Variants in RORB observed in about 807,000 individuals in gnomAD.
The protein encoded by RORB is RAR related orphan receptor B, also known as nuclear receptor ROR-beta.
In RORB, 6 loss-of-function variants were observed where a neutral mutation model predicts 59.1. The observed-to-expected ratio is 0.10, with a 90% CI of 0.06 to 0.20. The LOEUF is 0.20. Ranked by LOEUF, RORB falls within the 10% of genes least tolerant of loss-of-function variation. The pLI, the probability that RORB is intolerant of heterozygous loss-of-function variation, is 1.00. For synonymous variants in RORB, 215 were observed against 204.5 expected, an observed-to-expected ratio of 1.05 and a Z score of -0.44; for missense variants, 320 against 560.5, an observed-to-expected ratio of 0.57 and a Z score of 4.33.
intron 9 of RORB, among the ~76,000 whole-genome samples, chr9:74,677,422 G>T (rs1412199393): frequency 1.3e-5 from 2 of 152,106 alleles, no homozygotes; most frequent in Non-Finnish European, 2.9e-5. Context: ...TTCTTTTTAT[G>T]ATTATATGTT....
intron 1 of RORB, among the ~76,000 whole-genome samples, chr9:74,573,460 T>C (rs1431075548): frequency 8.0e-5 from 6 of 74,590 alleles, no homozygotes; most frequent in Non-Finnish European, 6.1e-5. Context: ...TGAGCTTTTG[T>C]TATTAAAAAA....
intron 9 of RORB, among the ~76,000 whole-genome samples, chr9:74,676,736 C>A (rs1825751723): frequency 1.3e-5 from 2 of 152,322 alleles, no homozygotes; most frequent in East Asian, 3.9e-4. Context: ...TCTGGCTGGC[C>A]AGAAAGTTAT....
chr9:74,618,781 G>A (rs959975912), intron 1 of RORB, among the ~76,000 whole-genome samples: 5 of 151,814 alleles, frequency 3.3e-5, no homozygotes, highest in Admixed American at 2.6e-4. Context: ...ATTGTGGGGG[G>A]TGGAAGGCCA....
In RORB at chr9:74,690,237, C is replaced by CA. The variant is rs901142238; in HGVS notation, c.*4627dup. The CA allele has an allele frequency of 7.3e-5, 11 of 151,296 alleles. No homozygotes were observed. The highest frequency in any genetic ancestry group is 9.7e-5 in the African/African-American group (4 of 41,226). The allele number at this position is 151,296 out of a possible 1,614,324, so 9.4% of individuals were successfully genotyped here. On this transcript the variant is annotated 3_prime_UTR_variant, in exon 10 of 10. Coordinates refer to ENST00000376896, the MANE Select transcript of RORB (RefSeq NM_006914.4). ...ATGTGGGAAACTATGGGGGGTCTTT[C>CA]AAAAAAAAGCTGACACTCTATTCAT...
At chr9:74,621,614 T>C (rs1235678427) in intron 1 of RORB, among the ~76,000 whole-genome samples, 1 of 152,202 alleles carries the variant, frequency 6.6e-6, no homozygotes, top group East Asian at 1.9e-4. Flanking sequence ...AGGCACACAA[T>C]TGTTAGGTGG....
At chr9:74,602,592 C>A (rs1823083120) in intron 1 of RORB, among the ~76,000 whole-genome samples, 1 of 152,136 alleles carries the variant, frequency 6.6e-6, no homozygotes, top group Non-Finnish European at 1.5e-5. Flanking sequence ...CTGTTATGAC[C>A]CTAAGCTATT....
In RORB at chr9:74,547,988, G is replaced by A. The variant is rs79904978; in HGVS notation, c.7+50005G>A. ...AATTAGAGTGACTTAGACCAGAAAT[G>A]TAGCTCTGAAAATGGTTTAAATTGT... On this transcript the variant is annotated intron_variant, in intron 1 of 9. Transcript: ENST00000376896. Among the ~76,000 whole-genome samples, 487 of 152,306 alleles carry A rather than the reference G, an allele frequency of 3.2e-3. 3 individuals are homozygous for A. Among genetic ancestry groups the A allele is most frequent in the Middle Eastern group, 0.01 (3 of 294 alleles).
chr9:74,525,773 G>A (rs942351879), intron 1 of RORB, among the ~76,000 whole-genome samples: 5 of 151,816 alleles, frequency 3.3e-5, no homozygotes, highest in African/African-American at 9.7e-5. Flanking sequence ...ACAGAACCTC[G>A]ATGAAATTCA....
chr9:74,653,024 C>A (rs1453325040), intron 4 of RORB, among the ~76,000 whole-genome samples: 3 of 152,110 alleles, frequency 2.0e-5, no homozygotes, highest in African/African-American at 7.2e-5. Context: ...TCAGAAAGGT[C>A]TTTAAATGAC....
intron 1 of RORB, among the ~76,000 whole-genome samples, chr9:74,589,638 T>G (rs1822855942): frequency 1.3e-5 from 2 of 152,212 alleles, no homozygotes; most frequent in Admixed American, 1.3e-4. Context: ...CTTAGATGCT[T>G]CATTTCCACA....
chr9:74,544,476 A>G lies in RORB; in HGVS notation c.7+46493A>G, dbSNP rs557931340. On this transcript the variant is annotated intron_variant, in intron 1 of 9. Coordinates refer to ENST00000376896, the MANE Select transcript of RORB (RefSeq NM_006914.4). The stretch of plus-strand genomic sequence containing the variant: ...ACAGTGGGGCTAAGTTAATAAATAA[A>G]TGTGCTCTGAGGCTGCAGGCCTGAT... Among the ~76,000 whole-genome samples the G allele has an allele frequency of 4.6e-5, 7 of 152,312 alleles. No individual in the cohort carries two copies. In the East Asian group the frequency reaches 1.3e-3, roughly 29 times the overall value.
chr9:74,530,383 T>C (rs1587344169), intron 1 of RORB, among the ~76,000 whole-genome samples: 1 of 152,028 alleles, frequency 6.6e-6, no homozygotes, highest in African/African-American at 2.4e-5. Flanking sequence ...GGTCATGTTA[T>C]GGATGCTGCT....
At chr9:74,561,983 A>T (rs1259306900) in intron 1 of RORB, among the ~76,000 whole-genome samples, 1 of 152,140 alleles carries the variant, frequency 6.6e-6, no homozygotes, top group Non-Finnish European at 1.5e-5. Flanking sequence ...TCATGAGTAG[A>T]TTGTTTATCT....
chr9:74,600,261 T>C (rs1238546619), intron 1 of RORB, among the ~76,000 whole-genome samples: 1 of 152,228 alleles, frequency 6.6e-6, no homozygotes, highest in Non-Finnish European at 1.5e-5. Context: ...AATTCCTGGG[T>C]GAAGGCAATG....
At chr9:74,541,324 C>G (rs1467494504) in intron 1 of RORB, among the ~76,000 whole-genome samples, 1 of 123,700 alleles carries the variant, frequency 8.1e-6, no homozygotes, top group Admixed American at 8.5e-5. Flanking sequence ...CTTTTGAGAA[C>G]CAACCAACCA....
chr9:74,518,746 T>C (rs1011923638), intron 1 of RORB, among the ~76,000 whole-genome samples: 4 of 152,024 alleles, frequency 2.6e-5, no homozygotes, highest in African/African-American at 9.7e-5. Flanking sequence ...TTTTATAGAC[T>C]AGGTAACCTG....
intron 3 of RORB, among the ~76,000 whole-genome samples, chr9:74,639,128 T>C (rs1383265128): frequency 2.0e-5 from 3 of 152,358 alleles, no homozygotes; most frequent in Middle Eastern, 3.4e-3. Flanking sequence ...GTCAGTTCTA[T>C]AGCTCTGCTG....
intron 1 of RORB, among the ~76,000 whole-genome samples, chr9:74,563,423 A>G (rs1280992284): frequency 6.6e-6 from 1 of 152,072 alleles, no homozygotes; most frequent in African/African-American, 2.4e-5. Flanking sequence ...TGACCTTGTG[A>G]TCCACCTGCC....
chr9:74,538,583 A>G (rs1369178308), intron 1 of RORB, among the ~76,000 whole-genome samples: 3 of 152,132 alleles, frequency 2.0e-5, no homozygotes, highest in Non-Finnish European at 4.4e-5. Flanking sequence ...GTTATTATTT[A>G]TTAGCAATTA....
Sources: gnomAD v4.1 joint callset for allele counts (sites outside exome capture counted in the v4.1 genomes callset) on GRCh38, gnomAD v4.1.1 for gene constraint, MANE v1.5 for transcripts, NCBI Gene and HGNC (gene_info 2026-07-23, HGNC 2026-07-21) for gene names.